Variants in OTOGL observed in about 807,000 individuals in gnomAD.
OTOGL encodes the protein otogelin-like protein.
In OTOGL, 285 loss-of-function variants were observed where a neutral mutation model predicts 318.5. The observed-to-expected ratio is 0.89, with a 90% CI of 0.81 to 0.99. The LOEUF is 0.99. Ranked by LOEUF, OTOGL falls within the 50% of genes least tolerant of loss-of-function variation. The pLI, the probability that OTOGL is intolerant of heterozygous loss-of-function variation, is 0.00. For missense variants in OTOGL, 2,899 were observed against 2,845.6 expected (o/e 1.02, Z -0.43); for synonymous variants, 987 against 936.5 (o/e 1.05, Z -0.99).
intron 1 of OTOGL, among the ~76,000 whole-genome samples, chr12:80,108,093 AAAAT>A (rs1310396209): frequency 6.6e-6 from 1 of 152,154 alleles, no homozygotes; most frequent in African/African-American, 2.4e-5. Context: ...CCCCAAAACT[AAAAT>A]AAAAGTTAAA....
chr12:80,217,496 T>C (rs1251305744), intron 4 of OTOGL, 102 bp from the exon 5 acceptor site: 1 of 804,404 alleles, frequency 1.2e-6, no homozygotes, highest in East Asian at 2.7e-5. Flanking sequence ...CAGCACTTTA[T>C]CATTTCTGTA....
chr12:80,146,169 A>G (rs970092004), intron 1 of OTOGL, among the ~76,000 whole-genome samples: 5 of 148,320 alleles, frequency 3.4e-5, no homozygotes, highest in Admixed American at 6.6e-5. Flanking sequence ...GTTTTTGCCC[A>G]TTCAGTATGA....
chr12:80,278,749 A>G (rs1339960221), intron 25 of OTOGL, among the ~76,000 whole-genome samples: 2 of 151,572 alleles, frequency 1.3e-5, no homozygotes. Context: ...AGCTACCAGC[A>G]GACCTGTGTT....
intron 17 of OTOGL, among the ~76,000 whole-genome samples, chr12:80,257,480 A>G (rs1882158548): frequency 6.6e-6 from 1 of 152,096 alleles, no homozygotes; most frequent in African/African-American, 2.4e-5. Context: ...GACAGATTGA[A>G]AAAACATTTA....
intron 1 of OTOGL, among the ~76,000 whole-genome samples, chr12:80,177,273 G>A (rs7954359): frequency 6.6e-6 from 1 of 152,052 alleles, no homozygotes; most frequent in South Asian, 2.1e-4. Flanking sequence ...TCCACGACCC[G>A]TTTCAAGTTA....
rs188803970 is a variant in OTOGL, at chr12:80,262,335, A to C, written c.2014+242A>C. Among the ~76,000 whole-genome samples, 47 of 151,888 alleles carry C rather than the reference A, an allele frequency of 3.1e-4. 1 individual carries two copies. Among genetic ancestry groups the C allele is most frequent in the Non-Finnish European group, 4.7e-4 (32 of 67,960 alleles). On this transcript the variant is annotated intron_variant, in intron 19 of 58. Transcript: ENST00000547103. ...TTTTATTTCCTATTTTTATTTCATA[A>C]ATTTTCTTATTTTAGATGTTTAGAA...
At chr12:80,289,057 T>A (rs1432479578) in intron 26 of OTOGL, among the ~76,000 whole-genome samples, 1 of 152,328 alleles carries the variant, frequency 6.6e-6, no homozygotes, top group East Asian at 1.9e-4. Flanking sequence ...TGATCTTTGA[T>A]GCTGATGGCC....
intron 1 of OTOGL, among the ~76,000 whole-genome samples, chr12:80,140,491 T>A (rs2137139610): frequency 6.6e-6 from 1 of 152,320 alleles, no homozygotes; most frequent in African/African-American, 2.4e-5. Flanking sequence ...GTTATGAATT[T>A]CTTTATTACT....
chr12:80,114,623 G>T (rs1870049245), intron 1 of OTOGL, among the ~76,000 whole-genome samples: 1 of 152,020 alleles, frequency 6.6e-6, no homozygotes, highest in South Asian at 2.1e-4. Flanking sequence ...GTGTCTTTGT[G>T]GTGTTCTCTG....
chr12:80,284,373 T>C (rs951801125), intron 26 of OTOGL, among the ~76,000 whole-genome samples: 1 of 152,174 alleles, frequency 6.6e-6, no homozygotes, highest in Non-Finnish European at 1.5e-5. Context: ...GAATAATTTA[T>C]AAATCTTTGG....
chr12:80,196,690 G>C (rs1301667578), intron 1 of OTOGL, among the ~76,000 whole-genome samples: 1 of 152,158 alleles, frequency 6.6e-6, no homozygotes, highest in Non-Finnish European at 1.5e-5. Context: ...TATACAAATG[G>C]TCTTCTCCCT....
chr12:80,276,380 C>A (rs1467001721), intron 24 of OTOGL, among the ~76,000 whole-genome samples: 1 of 151,626 alleles, frequency 6.6e-6, no homozygotes, highest in Non-Finnish European at 1.5e-5. Context: ...TAGTGCCTTG[C>A]CATAGTAAGC....
At chr12:80,255,267 A>G in intron 16 of OTOGL, 82 bp downstream of exon 16, 1 of 1,227,066 alleles carries the variant, frequency 8.1e-7, no homozygotes, top group Non-Finnish European at 1.1e-6. Flanking sequence ...GAATGATAAC[A>G]TGAGTGGATA....
chr12:80,377,768 C>A, intron 58 of OTOGL, 80 bp from the exon 59 acceptor site: 1 of 1,111,250 alleles, frequency 9.0e-7, no homozygotes, highest in Non-Finnish European at 1.3e-6. Flanking sequence ...AGATTTTCAT[C>A]AGATTTTCTT....
At chr12:80,159,474 G>T (rs78388747) in intron 1 of OTOGL, among the ~76,000 whole-genome samples, 11,305 of 151,926 alleles carry the variant, frequency 0.074, 551 homozygotes, top group Middle Eastern at 0.19. Context: ...ACTTTTTTTG[G>T]TTGGTCTTTT....
intron 1 of OTOGL, among the ~76,000 whole-genome samples, chr12:80,197,318 T>C (rs1876145826): frequency 1.3e-5 from 2 of 152,076 alleles, no homozygotes; most frequent in African/African-American, 4.8e-5. Context: ...GGCTGTGTCA[T>C]GGCCATGGTC....
chr12:80,268,777 T>C (rs1249654228), intron 22 of OTOGL, among the ~76,000 whole-genome samples: 1 of 152,112 alleles, frequency 6.6e-6, no homozygotes, highest in Non-Finnish European at 1.5e-5. Flanking sequence ...GCAATCAGTG[T>C]GTCTCATTTT....
At chr12:80,325,208 A>G (rs1211588521) in intron 35 of OTOGL, among the ~76,000 whole-genome samples, 1 of 151,988 alleles carries the variant, frequency 6.6e-6, no homozygotes, top group Non-Finnish European at 1.5e-5. Context: ...CCCCTCTGTA[A>G]GATCTGTGAG....
At position 80,253,375 on chromosome 12, in the gene OTOGL, A is replaced by G. The variant is rs10862083; in HGVS notation, c.1286-91A>G. On this transcript the variant is annotated intron_variant, in intron 13 of 58. Transcript: ENST00000547103. ...TGTATTTCCAGCATCATGCGTAGGT[A>G]TTCAACAGAAGTTGGTTGAATTATT... The G allele has an allele frequency of 0.8, 955,117 of 1,191,832 alleles. 387,458 individuals carry two copies. Among genetic ancestry groups the G allele is most frequent in the East Asian group, 1 (40,211 of 40,236 alleles). The allele number at this position is 1,191,832 out of a possible 1,614,324, so 73.8% of individuals were successfully genotyped here.
Sources: gnomAD v4.1 joint callset for allele counts (sites outside exome capture counted in the v4.1 genomes callset) on GRCh38, gnomAD v4.1.1 for gene constraint, MANE v1.5 for transcripts, NCBI Gene and HGNC (gene_info 2026-07-23, HGNC 2026-07-21) for gene names.